The following CEP350 variants were observed in gnomAD, a reference collection of about 807,000 sequenced individuals.
CEP350 encodes the protein centrosome-associated protein 350.
Under a neutral mutation model 331.8 loss-of-function variants are expected in CEP350, and 126 were observed. The observed-to-expected ratio is 0.38, with a 90% confidence interval of 0.33 to 0.44. The LOEUF (loss-of-function observed/expected upper bound fraction) is 0.44, where lower values mean the gene tolerates loss of function less well. Among genes scored for constraint, CEP350 ranks in the 20% least tolerant of loss-of-function variants. The probability of loss-of-function intolerance (pLI) is 1.00; values close to 1 mark genes in which losing one functional copy is unlikely to be tolerated. For missense variants in CEP350, 3,406 were observed against 3,634.6 expected, an observed-to-expected ratio of 0.94 and a Z score of 1.62; for synonymous variants, 1,200 against 1,259.5, an observed-to-expected ratio of 0.95 and a Z score of 1.00.
intron 1 of CEP350, among the ~76,000 whole-genome samples, chr1:179,970,403 A>G (rs1157294167): frequency 1.3e-5 from 2 of 152,216 alleles, no homozygotes; most frequent in Non-Finnish European, 2.9e-5. Flanking sequence ...TACTTGGAAC[A>G]GTGTAATAGA....
chr1:180,058,738 A>G (rs769879751), intron 25 of CEP350, among the ~76,000 whole-genome samples: 2 of 152,168 alleles, frequency 1.3e-5, no homozygotes, highest in Non-Finnish European at 2.9e-5. Flanking sequence ...TAAATATGCA[A>G]AATATACTCT....
intron 27 of CEP350, among the ~76,000 whole-genome samples, chr1:180,069,241 A>G (rs931542987): frequency 6.6e-6 from 1 of 152,218 alleles, no homozygotes; most frequent in Non-Finnish European, 1.5e-5. Flanking sequence ...CTGTTAAAGG[A>G]GAAAAATTAA....
chr1:180,038,336 A>C (rs1281793104), intron 17 of CEP350, among the ~76,000 whole-genome samples: 2 of 152,176 alleles, frequency 1.3e-5, no homozygotes, highest in African/African-American at 2.4e-5. Context: ...GCTATTGTGA[A>C]TATTCCTGCT....
In CEP350 at chr1:180,096,040, G is replaced by C. The variant is rs780346735; in HGVS notation, c.8922G>C (p.Ala2974=). The C allele has an allele frequency of 6.4e-7, 1 of 1,551,302 alleles. No individual in the cohort carries two copies. The highest frequency in any genetic ancestry group is 8.7e-7 in the Non-Finnish European group (1 of 1,147,172). The change falls in exon 36 of 38, where the codon GCG becomes GCC. Residue 2974 remains alanine, a splice_region_variant and synonymous_variant. Coordinates refer to ENST00000367607, the MANE Select transcript of CEP350 (RefSeq NM_014810.5). ...TTGTTTTGTTTTTCTCTATCAAGGC[G>C]GTTTTTGATTTAACAAAAGAGATTT... The part of the protein sequence containing the change: ...ESTSKRVYKQ[A]VFDLTKEIFE...
At position 180,075,035 on chromosome 1, in the gene CEP350, C is replaced by T. The variant is rs1296558578; in HGVS notation, c.5581C>T (p.Arg1861Trp). ...GTGTGACCATAGGTTTCTGACAAAG[C>T]GGGAGCAAAAATTAATGCAACGGCG... ...SRMDEKFLTK[R>W]EQKLMQRRQH... Residue 1861 changes from arginine (R) to tryptophan (W), a missense_variant, in exon 28 of 38, where the codon CGG becomes TGG. Arg to Trp is a moderately radical substitution (Grantham distance 101). Around this residue, in one of 5 missense-constraint regions of CEP350, gnomAD observed 1,415 missense variants for 1,512.3 expected, o/e 0.94. Coordinates refer to ENST00000367607, the MANE Select transcript of CEP350 (RefSeq NM_014810.5). 3 of 1,610,438 alleles carry T rather than the reference C, an allele frequency of 1.9e-6. No individual in the cohort carries two copies. The highest frequency in any genetic ancestry group is 1.7e-5 in the Admixed American group (1 of 59,358).
chr1:180,030,732 A>G lies in CEP350; in HGVS notation c.3551-588A>G, dbSNP rs200640950. 5.9e-5 allele frequency among the ~76,000 whole-genome samples: 9 copies of G among 152,190 alleles called. 1 individual carries two copies. The East Asian group carries it at 1.7e-3, about 29-fold the overall frequency. The stretch of plus-strand genomic sequence containing the variant: ...TGTTCAGGTTACTATTATCTATGTG[A>G]TTTAGACAGGTATTCTCTTGTTAGA... On this transcript the variant is annotated intron_variant, in intron 14 of 37. Transcript: ENST00000367607.
At chr1:179,972,632 G>A (rs1651536810) in intron 1 of CEP350, among the ~76,000 whole-genome samples, 1 of 151,958 alleles carries the variant, frequency 6.6e-6, no homozygotes, top group Non-Finnish European at 1.5e-5. Context: ...AGCCTCCTGA[G>A]TAGCTGGGAT....
intron 16 of CEP350, among the ~76,000 whole-genome samples, chr1:180,034,460 G>A (rs1041045401): frequency 8.2e-6 from 1 of 121,846 alleles, no homozygotes; most frequent in Non-Finnish European, 1.7e-5. Flanking sequence ...CAGATACTGC[G>A]GGGTTTTTTT....
intron 5 of CEP350, among the ~76,000 whole-genome samples, chr1:179,994,594 C>T (rs1653341501): frequency 6.6e-6 from 1 of 151,802 alleles, no homozygotes; most frequent in African/African-American, 2.4e-5. Flanking sequence ...GCTGGGACTA[C>T]AGACAGGCGC....
At chr1:180,074,704 A>G (rs1276748016) in intron 27 of CEP350, among the ~76,000 whole-genome samples, 4 of 152,158 alleles carry the variant, frequency 2.6e-5, no homozygotes, top group Non-Finnish European at 5.9e-5. Flanking sequence ...AGAATAACCT[A>G]CAAAAAATGA....
In CEP350 at chr1:180,110,991, T is replaced by TCCTAGG; in HGVS notation, c.9190-5_9190dup. ...TTTTCTAACCTTATTGTCTTCTAAA[T>TCCTAGG]CCTAGGTTCAGGAGCTCCATGAGGA... On this transcript the variant is annotated splice_region_variant and splice_polypyrimidine_tract_variant and intron_variant, in intron 37 of 37. Transcript: ENST00000367607. 1 of 1,613,112 alleles carries TCCTAGG rather than the reference T, an allele frequency of 6.2e-7. No homozygotes were observed. Among genetic ancestry groups the TCCTAGG allele is most frequent in the Non-Finnish European group, 8.5e-7 (1 of 1,179,218 alleles).
At chr1:180,045,179 T>C (rs766491541) in intron 21 of CEP350, among the ~76,000 whole-genome samples, 1 of 151,922 alleles carries the variant, frequency 6.6e-6, no homozygotes, top group Non-Finnish European at 1.5e-5. Context: ...CCATCTCTAC[T>C]AAAAAAACAA....
chr1:179,957,703 G>C (rs1045667882), intron 1 of CEP350, among the ~76,000 whole-genome samples: 2 of 152,198 alleles, frequency 1.3e-5, no homozygotes, highest in African/African-American at 4.8e-5. Flanking sequence ...GATATGCTCA[G>C]ATTTGCTGGG....
At chr1:180,050,475 CAACA>C (rs1657411558) in intron 22 of CEP350, among the ~76,000 whole-genome samples, 2 of 151,856 alleles carry the variant, frequency 1.3e-5, no homozygotes, top group Admixed American at 1.3e-4. Flanking sequence ...CCAGCCTGGC[CAACA>C]TGGTGAAACC....
intron 28 of CEP350, among the ~76,000 whole-genome samples, chr1:180,078,133 TA>T (rs111944313): frequency 1.6e-3 from 228 of 142,862 alleles, no homozygotes; most frequent in African/African-American, 3.3e-3. Flanking sequence ...GATGCCATCT[TA>T]AAAAAAAAAA....
In CEP350 at chr1:180,113,210, C is replaced by T. The variant is rs760410940; in HGVS notation, c.*2049C>T. On this transcript the variant is annotated 3_prime_UTR_variant, in exon 38 of 38. Coordinates refer to ENST00000367607, the MANE Select transcript of CEP350 (RefSeq NM_014810.5). ...CATCCTTTGGCTGTTTGTAGGATCACGTTGTCCTTACGATACTGAAACTTT... is the reference window on the plus strand; with the variant it reads ...CATCCTTTGGCTGTTTGTAGGATCATGTTGTCCTTACGATACTGAAACTTT... 3.3e-5 allele frequency: 5 copies of T among 152,396 alleles called. No homozygotes were observed. Among genetic ancestry groups the T allele is most frequent in the Non-Finnish European group, 5.9e-5 (4 of 68,028 alleles). The allele number at this position is 152,396 out of a possible 1,614,324, so 9.4% of individuals were successfully genotyped here. A position where few individuals can be genotyped will look rare whatever the true frequency, so the allele number is the denominator to read the frequency against.
chr1:180,022,813 G>T lies in CEP350; in HGVS notation c.3351G>T (p.Gly1117=). ...ATTTTGTCTCCTCTCCAGGGACTGG[G>T]ACTTCGACAGAAAAAAAATCAACTC... ...EDDFVSSPGT[G]TSTEKKSTLE... Residue 1117 remains glycine (G), a synonymous_variant, in exon 13 of 38, where the codon GGG becomes GGT. Coordinates refer to ENST00000367607, the MANE Select transcript of CEP350 (RefSeq NM_014810.5). The T allele has an allele frequency of 6.3e-7, 1 of 1,594,628 alleles. No homozygotes were observed.
rs1655533104 is a variant in CEP350 at position 180,024,413 on chromosome 1, T to C, written c.3387-6T>C. ...TCTGGAACTACTATTATTTATTCTT[T>C]GACAGTAGCACTTTAAGCCCTCAGG... On this transcript the variant is annotated splice_region_variant and splice_polypyrimidine_tract_variant and intron_variant, in intron 13 of 37. Coordinates refer to ENST00000367607, the MANE Select transcript of CEP350 (RefSeq NM_014810.5). 3 of 1,601,672 alleles carry C rather than the reference T, an allele frequency of 1.9e-6. No individual in the cohort carries two copies. The highest frequency in any genetic ancestry group is 2.3e-5 in the South Asian group (2 of 88,660).
chr1:180,030,747 CTCT>C (rs1221066012), intron 14 of CEP350, among the ~76,000 whole-genome samples: 1 of 151,990 alleles, frequency 6.6e-6, no homozygotes, highest in Non-Finnish European at 1.5e-5. Flanking sequence ...GACAGGTATT[CTCT>C]TGTTAGAAAT....
Sources: gnomAD v4.1 joint callset for allele counts (sites outside exome capture counted in the v4.1 genomes callset) on GRCh38, gnomAD v4.1.1 for gene constraint, gnomAD v4.1.1 regional missense constraint, MANE v1.5 for transcripts, NCBI Gene and HGNC (gene_info 2026-07-23, HGNC 2026-07-21) for gene names.